The following MGAT4C variants were observed in gnomAD, a reference collection of about 807,000 sequenced individuals.
The protein encoded by MGAT4C is alpha-1,3-mannosyl-glycoprotein 4-beta-N-acetylglucosaminyltransferase C.
MGAT4C carries 19 observed loss-of-function variants against 40.1 expected under a neutral mutation model. The observed-to-expected ratio is 0.47, with a 90% CI of 0.33 to 0.70. MGAT4C has a LOEUF of 0.70. MGAT4C is among the 30% of genes least tolerant of loss of function. The pLI, the probability that MGAT4C is intolerant of heterozygous loss-of-function variation, is 0.02. For missense variants in MGAT4C, 491 were observed against 563.2 expected (o/e 0.87, Z 1.30); for synonymous variants, 181 against 187.1 (o/e 0.97, Z 0.27).
At chr12:86,536,334 G>A (rs1169304313) in intron 2 of MGAT4C, among the ~76,000 whole-genome samples, 2 of 152,108 alleles carry the variant, frequency 1.3e-5, no homozygotes, top group Admixed American at 6.6e-5. Context: ...GGAAGTGTAA[G>A]TGTCATGTAT....
At chr12:86,110,469 C>A (rs1025470616) in intron 1 of MGAT4C, among the ~76,000 whole-genome samples, 12 of 148,652 alleles carry the variant, frequency 8.1e-5, no homozygotes, top group African/African-American at 2.7e-4. Flanking sequence ...GATGCCACAT[C>A]AACTCTTCAA....
chr12:86,834,637 C>CACACACACACACACACA (rs398020454), intron 1 of MGAT4C, among the ~76,000 whole-genome samples: 12 of 149,812 alleles, frequency 8.0e-5, no homozygotes, highest in Admixed American at 1.3e-4. Flanking sequence ...CACACACACA[C>CACACACACACACACACA]CCCTTTACAG....
intron 1 of MGAT4C, among the ~76,000 whole-genome samples, chr12:86,801,949 C>A (rs1049772910): frequency 1.3e-5 from 2 of 151,806 alleles, no homozygotes; most frequent in South Asian, 2.1e-4. Flanking sequence ...AAATATCAAA[C>A]TGGCCCATTG....
intron 3 of MGAT4C, among the ~76,000 whole-genome samples, chr12:86,405,772 T>C (rs981918829): frequency 5.0e-4 from 75 of 151,360 alleles, no homozygotes; most frequent in African/African-American, 1.7e-3. Context: ...AATAGTTTGA[T>C]GGACCAGAAT....
At chr12:86,630,487 G>T (rs1593061629) in intron 2 of MGAT4C, among the ~76,000 whole-genome samples, 1 of 152,000 alleles carries the variant, frequency 6.6e-6, no homozygotes, top group South Asian at 2.1e-4. Context: ...GATGAACATC[G>T]ATGCAAAAAT....
chr12:86,361,681 T>G (rs992659711), intron 3 of MGAT4C, among the ~76,000 whole-genome samples: 2 of 151,848 alleles, frequency 1.3e-5, no homozygotes, highest in African/African-American at 4.9e-5. Context: ...CGAAGGATAT[T>G]AACAGACACT....
intron 1 of MGAT4C, among the ~76,000 whole-genome samples, chr12:86,165,127 T>C (rs1257857327): frequency 6.6e-6 from 1 of 152,098 alleles, no homozygotes; most frequent in Non-Finnish European, 1.5e-5. Flanking sequence ...TATTGGCTAT[T>C]GGAAGTTAGA....
chr12:86,226,411 G>C (rs1291148029), intron 1 of MGAT4C, among the ~76,000 whole-genome samples: 2 of 151,932 alleles, frequency 1.3e-5, no homozygotes, highest in Non-Finnish European at 2.9e-5. Context: ...AAGAAAATCT[G>C]TGTCAACTCA....
At chr12:86,431,972 G>A (rs1357710111) in intron 3 of MGAT4C, among the ~76,000 whole-genome samples, 2 of 152,006 alleles carry the variant, frequency 1.3e-5, no homozygotes, top group Non-Finnish European at 1.5e-5. Context: ...GAGAGAGAGA[G>A]GAAGTATTAG....
chr12:86,798,005 A>T (rs185413949), intron 1 of MGAT4C, among the ~76,000 whole-genome samples: 2 of 152,038 alleles, frequency 1.3e-5, no homozygotes, highest in African/African-American at 4.8e-5. Context: ...AACTGTGTAC[A>T]CCTACTTACA....
intron 1 of MGAT4C, among the ~76,000 whole-genome samples, chr12:86,068,727 A>G (rs1404264581): frequency 2.6e-5 from 4 of 151,472 alleles, no homozygotes; most frequent in Non-Finnish European, 4.4e-5. Flanking sequence ...GGGCTTTGGG[A>G]GTTATGAGGC....
At chr12:86,006,277 C>G (rs1462269710) in intron 2 of MGAT4C, among the ~76,000 whole-genome samples, 1 of 152,104 alleles carries the variant, frequency 6.6e-6, no homozygotes, top group Non-Finnish European at 1.5e-5. Flanking sequence ...TCTTCAAGCT[C>G]AAATCAAGAT....
intron 4 of MGAT4C, among the ~76,000 whole-genome samples, chr12:86,285,964 A>G (rs1953343661): frequency 6.6e-6 from 1 of 152,088 alleles, no homozygotes; most frequent in African/African-American, 2.4e-5. Flanking sequence ...ATACCCACAC[A>G]TTCACAAAAG....
chr12:86,716,815 G>A (rs1419622093), intron 2 of MGAT4C, among the ~76,000 whole-genome samples: 1 of 152,060 alleles, frequency 6.6e-6, no homozygotes, highest in Non-Finnish European at 1.5e-5. Context: ...AAGTTGAGAT[G>A]GGGATAAGAC....
intron 2 of MGAT4C, among the ~76,000 whole-genome samples, chr12:86,662,665 T>C (rs1361198620): frequency 1.3e-5 from 2 of 152,136 alleles, no homozygotes; most frequent in African/African-American, 4.8e-5. Flanking sequence ...ATTCAGAAGA[T>C]TAAAAATGGA....
At chr12:86,221,702 C>T (rs907461799) in intron 1 of MGAT4C, among the ~76,000 whole-genome samples, 2 of 152,132 alleles carry the variant, frequency 1.3e-5, no homozygotes, top group Admixed American at 1.3e-4. Flanking sequence ...CAGACCATGT[C>T]CATATAAAAC....
chr12:86,539,327 A>C (rs1959132917), intron 2 of MGAT4C, among the ~76,000 whole-genome samples: 2 of 152,092 alleles, frequency 1.3e-5, no homozygotes, highest in Admixed American at 6.6e-5. Context: ...TTCCAGCTTC[A>C]TCCATGTCCC....
At position 86,007,654 on chromosome 12, in the gene MGAT4C, C is replaced by T. The variant is rs565754897; in HGVS notation, c.-6-18102G>A. ...AGAAAAAAACAATAAAAACAAAAAA[C>T]TAATTGGTTTCAACAGACTCTAATG... On this transcript the variant is annotated intron_variant, in intron 2 of 4. Coordinates refer to ENST00000611864, the MANE Select transcript of MGAT4C (RefSeq NM_001351288.2). Among the ~76,000 whole-genome samples the T allele has an allele frequency of 1.1e-4, 16 of 151,826 alleles. No individual in the cohort carries two copies. In the East Asian group the frequency reaches 2.3e-3, roughly 22 times the overall value.
At chr12:86,649,726 T>G (rs1447999866) in intron 2 of MGAT4C, among the ~76,000 whole-genome samples, 1 of 151,824 alleles carries the variant, frequency 6.6e-6, no homozygotes, top group East Asian at 1.9e-4. Context: ...TAAAGGCCGT[T>G]ATTTTATGTA....
Sources: gnomAD v4.1 joint callset for allele counts (sites outside exome capture counted in the v4.1 genomes callset) on GRCh38, gnomAD v4.1.1 for gene constraint, MANE v1.5 for transcripts, NCBI Gene and HGNC (gene_info 2026-07-23, HGNC 2026-07-21) for gene names.